DNMT3A: variants seen among roughly 807,000 people sequenced by gnomAD.
The protein encoded by DNMT3A is DNA (cytosine-5)-methyltransferase 3A.
A neutral mutation model predicts 117.6 loss-of-function variants in DNMT3A; 267 were observed. The ratio of observed to expected loss-of-function variants is 2.27; its 90% confidence interval spans 2.05 to 2.51. The LOEUF (loss-of-function observed/expected upper bound fraction) is 2.51. Among genes scored for constraint, DNMT3A ranks in the 30% most tolerant of loss-of-function variants. DNMT3A has a pLI of 0.00. For synonymous variants in DNMT3A, 432 were observed against 474.8 expected, an observed-to-expected ratio of 0.91 and a Z score of 1.17; for missense variants, 1,029 against 1,260.2, an observed-to-expected ratio of 0.82 and a Z score of 2.78.
intron 4 of DNMT3A, among the ~76,000 whole-genome samples, chr2:25,277,087 G>A (rs1376948748): frequency 1.3e-5 from 2 of 152,186 alleles, no homozygotes; most frequent in African/African-American, 2.4e-5. Context: ...GTGGGTGCGG[G>A]CCTGGCGCCG....
chr2:25,341,178 T>G (rs979573211), intron 1 of DNMT3A, among the ~76,000 whole-genome samples: 1 of 140,688 alleles, frequency 7.1e-6, no homozygotes, highest in Non-Finnish European at 1.6e-5. Context: ...GCCTCCCGGG[T>G]CCCCCGCCCC....
upstream of DNMT3A, among the ~76,000 whole-genome samples, chr2:25,342,177 C>A (rs1473721544): frequency 6.9e-6 from 1 of 145,528 alleles, no homozygotes; most frequent in East Asian, 2.0e-4. The surrounding 1 kb of genome is among the most constrained non-coding windows in gnomAD (Gnocchi z 5.9). Context: ...CTGGGGGGCC[C>A]CGGGGCGCCG....
At chr2:25,259,377 AG>A (rs1676422429) in intron 6 of DNMT3A, among the ~76,000 whole-genome samples, 1 of 152,318 alleles carries the variant, frequency 6.6e-6, no homozygotes, top group Non-Finnish European at 1.5e-5. Context: ...TTCAACTGGG[AG>A]GGGATGCCAG....
In DNMT3A at chr2:25,296,244, TG is replaced by T. The variant is rs1283780174; in HGVS notation, c.177+3894del. Reference sequence around the variant, plus strand: ...CAGTTGGAGAAGGGAAAGGCCAGTGTGGGTCACAGTGGCTGAACTGGGCTTC... The same window carrying T: ...CAGTTGGAGAAGGGAAAGGCCAGTGTGGTCACAGTGGCTGAACTGGGCTTC... On this transcript the variant is annotated intron_variant, in intron 3 of 22. Transcript: ENST00000321117. The surrounding 1 kb of genome is among the most constrained non-coding windows in gnomAD (Gnocchi z 4.2). Among the ~76,000 whole-genome samples the T allele has an allele frequency of 6.6e-6, 1 of 152,156 alleles. No homozygotes were observed. Among genetic ancestry groups the T allele is most frequent in the Non-Finnish European group, 1.5e-5 (1 of 68,030 alleles).
Position 25,282,117 on chromosome 2 carries a change from CGTT to C in DNMT3A, c.448+321_448+323del. 8.8e-7 allele frequency: 1 copy of C among 1,142,132 alleles called. No homozygotes were observed. The highest frequency in any genetic ancestry group is 1.1e-6 in the Non-Finnish European group (1 of 889,880). 70.7% of individuals were successfully genotyped at this position (1,142,132 alleles called of 1,614,324 possible). A position where few individuals can be genotyped will look rare whatever the true frequency, so the allele number is the denominator to read the frequency against. The stretch of plus-strand genomic sequence containing the variant: ...ACCGCCATTATCCCAGTCTAGCAAT[CGTT>C]GGCGTTATGAAAGCCCGCTGTTGCC... On this transcript the variant is annotated intron_variant, in intron 4 of 22. Transcript: ENST00000321117. This position sits in a 1 kb window ranked among gnomAD's most constrained non-coding sequence, Gnocchi z 5.2.
At position 25,282,648 on chromosome 2, in the gene DNMT3A, C is replaced by A; in HGVS notation, c.241G>T (p.Asp81Tyr). The A allele has an allele frequency of 6.2e-7, 1 of 1,605,994 alleles. No individual in the cohort carries two copies. Among genetic ancestry groups the A allele is most frequent in the Admixed American group, 1.7e-5 (1 of 58,512 alleles). The change falls in exon 4 of 23, where the codon GAC (aspartate) becomes TAC (tyrosine). Residue 81 changes from aspartate to tyrosine, a missense_variant. Asp to Tyr is a radical substitution (Grantham distance 160, BLOSUM62 -3). Coordinates refer to ENST00000321117, the MANE Select transcript of DNMT3A (RefSeq NM_022552.5). The surrounding 1 kb of genome is among the most constrained non-coding windows in gnomAD (Gnocchi z 5.2). ...VISKSPSMAQ[D>Y]SGASELLPNG... is the part of the protein sequence containing the mutation. ...GGTAATAGCTCTGAGGCGCCTGAGT[C>A]CTGGGCCATGGATGGGGACTTGGAG...
At position 25,246,606 on chromosome 2, in the gene DNMT3A, G is replaced by A. The variant is rs376150363; in HGVS notation, c.1279+14C>T. ...GCGGGCAGGGGTCCCAGAAAGCTGG[G>A]TGCCCTCATTTACCTTCTGGTGGCT... is the stretch of plus-strand genomic sequence containing the variant. On this transcript the variant is annotated intron_variant, in intron 10 of 22. Transcript: ENST00000321117. 1 of 1,601,764 alleles carries A rather than the reference G, an allele frequency of 6.2e-7. No homozygotes were observed. The highest frequency in any genetic ancestry group is 8.5e-7 in the Non-Finnish European group (1 of 1,172,560).
chr2:25,236,531 C>G lies in DNMT3A; in HGVS notation c.2478+405G>C, dbSNP rs990625546. Among the ~76,000 whole-genome samples, 13 of 152,198 alleles carry G rather than the reference C, an allele frequency of 8.5e-5. No homozygotes were observed. Among genetic ancestry groups the G allele is most frequent in the Non-Finnish European group, 1.5e-4 (10 of 68,036 alleles). On this transcript the variant is annotated intron_variant, in intron 21 of 22. Transcript: ENST00000321117. The surrounding 1 kb of genome is among the most constrained non-coding windows in gnomAD (Gnocchi z 4.5). ...CAGTGGTTCTGAATGCTGGAACCTGCTGACACAGAACCCAGTGCCCCAGGT... is the reference window on the plus strand; with the variant it reads ...CAGTGGTTCTGAATGCTGGAACCTGGTGACACAGAACCCAGTGCCCCAGGT...
intron 14 of DNMT3A, 95 bp downstream of exon 14, chr2:25,244,445 G>A (rs1674481803): frequency 1.3e-6 from 2 of 1,577,546 alleles, no homozygotes; most frequent in African/African-American, 2.7e-5. Context: ...GCTAGGGGGT[G>A]GAGGGTCTGT....
Position 25,281,758 on chromosome 2 carries a change from A to T in DNMT3A, c.448+683T>A. On this transcript the variant is annotated intron_variant, in intron 4 of 22. Coordinates refer to ENST00000321117, the MANE Select transcript of DNMT3A (RefSeq NM_022552.5). This position sits in a 1 kb window ranked among gnomAD's most constrained non-coding sequence, Gnocchi z 4.8. The stretch of plus-strand genomic sequence containing the variant: ...TGAAATTGCTGGCTTAACCTGAAAG[A>T]GAAAAGTGGGCAACTTTCCAGGCTT... 2.8e-6 allele frequency: 3 copies of T among 1,066,040 alleles called. No individual in the cohort carries two copies. The highest frequency in any genetic ancestry group is 3.4e-6 in the Non-Finnish European group (3 of 879,722). 66.0% of individuals were successfully genotyped at this position (1,066,040 alleles called of 1,614,324 possible).
chr2:25,306,278 T>C lies in DNMT3A; in HGVS notation c.73-6035A>G, dbSNP rs2033776679. 6.6e-6 allele frequency among the ~76,000 whole-genome samples: 1 copy of C among 152,228 alleles called. No homozygotes were observed. The highest frequency in any genetic ancestry group is 1.5e-5 in the Non-Finnish European group (1 of 68,038). On this transcript the variant is annotated intron_variant, in intron 2 of 22. Coordinates refer to ENST00000321117, the MANE Select transcript of DNMT3A (RefSeq NM_022552.5). This position sits in a 1 kb window ranked among gnomAD's most constrained non-coding sequence, Gnocchi z 4.1. ...GGTCAGGCAGTGGGCTGGGAATCAC[T>C]GTAGATGCGCATGGGCCCAGAGCCC...
At position 25,244,318 on chromosome 2, in the gene DNMT3A, AC is replaced by A; in HGVS notation, c.1687del (p.Val563TrpfsTer88). 1 of 1,609,112 alleles carries A rather than the reference AC, an allele frequency of 6.2e-7. No homozygotes were observed. Among genetic ancestry groups the A allele is most frequent in the Non-Finnish European group, 8.5e-7 (1 of 1,177,914 alleles). On this transcript the variant is annotated frameshift_variant, in exon 15 of 23. Transcript: ENST00000321117. LOFTEE classifies it high-confidence loss of function. ...AGCCCCCGGCCCCACCAAGAGGTCC[AC>A]ACACTCCACGCAAAAGCACCTGGAA... ...NCCRCFCVEC[V>X]DLLVGPGAAQ...
At chr2:25,323,254 A>T (rs1193947414) in intron 1 of DNMT3A, among the ~76,000 whole-genome samples, 2 of 152,152 alleles carry the variant, frequency 1.3e-5, no homozygotes, top group Admixed American at 1.3e-4. Context: ...GAGAACGAAG[A>T]GCTCAGAGAT....
At chr2:25,309,924 C>T (rs1047693400) in intron 2 of DNMT3A, among the ~76,000 whole-genome samples, 2 of 151,906 alleles carry the variant, frequency 1.3e-5, no homozygotes, top group Non-Finnish European at 2.9e-5. Context: ...CTGGGCATGG[C>T]GGGCGCCTGT....
In DNMT3A at chr2:25,236,901, G is replaced by GC. The variant is rs1477781048; in HGVS notation, c.2478+34dup. On this transcript the variant is annotated intron_variant, in intron 21 of 22. Transcript: ENST00000321117. This position sits in a 1 kb window ranked among gnomAD's most constrained non-coding sequence, Gnocchi z 4.5. ...CCTCATCCTGCCCTTCCTTCTCCCT[G>GC]CCCCCCAGCAGAGGTTCTAGACGCT... 1.3e-6 allele frequency: 2 copies of GC among 1,597,072 alleles called. No individual in the cohort carries two copies. The highest frequency in any genetic ancestry group is 2.2e-5 in the East Asian group (1 of 44,540).
chr2:25,258,767 T>G (rs1676367866), intron 6 of DNMT3A, among the ~76,000 whole-genome samples: 1 of 152,184 alleles, frequency 6.6e-6, no homozygotes, highest in Non-Finnish European at 1.5e-5. Flanking sequence ...CCCAGGTTTT[T>G]CAGACAGGAA....
In DNMT3A at chr2:25,293,956, C is replaced by G. The variant is rs2032936639; in HGVS notation, c.177+6183G>C. On this transcript the variant is annotated intron_variant, in intron 3 of 22. Coordinates refer to ENST00000321117, the MANE Select transcript of DNMT3A (RefSeq NM_022552.5). This position sits in a 1 kb window ranked among gnomAD's most constrained non-coding sequence, Gnocchi z 4.7. ...AAAGTGGTGGGATTACAGGTGTGAG[C>G]CATTGCACCCAGCCCCGTATACATT... Among the ~76,000 whole-genome samples the G allele has an allele frequency of 6.6e-6, 1 of 152,232 alleles. No individual in the cohort carries two copies. The highest frequency in any genetic ancestry group is 1.5e-5 in the Non-Finnish European group (1 of 68,042).
chr2:25,326,675 G>T (rs1339291672), intron 1 of DNMT3A, among the ~76,000 whole-genome samples: 3 of 152,212 alleles, frequency 2.0e-5, no homozygotes, highest in African/African-American at 4.8e-5. Context: ...AGATCTTGCT[G>T]CATGGGCGCT....
chr2:25,325,706 G>T (rs1207892968), intron 1 of DNMT3A, among the ~76,000 whole-genome samples: 1 of 152,194 alleles, frequency 6.6e-6, no homozygotes, highest in African/African-American at 2.4e-5. Flanking sequence ...GTGGAAAAAA[G>T]GAGTTATGCC....
Sources: gnomAD v4.1 joint callset for allele counts (sites outside exome capture counted in the v4.1 genomes callset) on GRCh38, gnomAD v4.1.1 for gene constraint, Gnocchi (gnomAD v3.1) non-coding constraint, MANE v1.5 for transcripts, NCBI Gene and HGNC (gene_info 2026-07-23, HGNC 2026-07-21) for gene names.